Variants in CNTNAP2 observed in about 807,000 individuals in gnomAD.
CNTNAP2 encodes contactin associated protein 2.
In CNTNAP2, 98 loss-of-function variants were observed where a neutral mutation model predicts 155.2. That is an observed-to-expected ratio of 0.63 (90% CI 0.54 to 0.75). CNTNAP2 has a LOEUF of 0.75. Among genes scored for constraint, CNTNAP2 ranks in the 30% least tolerant of loss-of-function variants. The pLI is 0.00. For synonymous variants in CNTNAP2, 651 were observed against 631.2 expected, an observed-to-expected ratio of 1.03 and a Z score of -0.47; for missense variants, 1,727 against 1,688.1, an observed-to-expected ratio of 1.02 and a Z score of -0.40.
chr7:146,895,531 A>G (rs1395180026), intron 3 of CNTNAP2, among the ~76,000 whole-genome samples: 1 of 152,110 alleles, frequency 6.6e-6, no homozygotes, highest in Non-Finnish European at 1.5e-5. Context: ...TTGTAAAAAC[A>G]TAACATTGAA....
chr7:147,211,128 CTGTA>C (rs1423916664), intron 8 of CNTNAP2, among the ~76,000 whole-genome samples: 1 of 151,218 alleles, frequency 6.6e-6, no homozygotes, highest in Non-Finnish European at 1.5e-5. Context: ...GTGATGTATT[CTGTA>C]TGTGTCTACT....
At chr7:147,220,751 C>T (rs1188853415) in intron 8 of CNTNAP2, among the ~76,000 whole-genome samples, 3 of 151,916 alleles carry the variant, frequency 2.0e-5, no homozygotes, top group Non-Finnish European at 2.9e-5. Flanking sequence ...GTCTCACTCT[C>T]TTGCCCAGGC....
chr7:146,742,614 C>G (rs953730020), intron 1 of CNTNAP2, among the ~76,000 whole-genome samples: 5 of 151,872 alleles, frequency 3.3e-5, no homozygotes, highest in African/African-American at 9.7e-5. Flanking sequence ...AATCAGAAGG[C>G]TGTACAATAG....
intron 3 of CNTNAP2, among the ~76,000 whole-genome samples, chr7:146,999,935 C>A (rs972728851): frequency 9.2e-5 from 14 of 151,898 alleles, no homozygotes; most frequent in African/African-American, 3.1e-4. Context: ...GGAAAGTTTT[C>A]TCCTTCAATT....
intron 15 of CNTNAP2, among the ~76,000 whole-genome samples, chr7:148,029,974 T>C (rs1453127836): frequency 6.6e-6 from 1 of 152,220 alleles, no homozygotes; most frequent in Non-Finnish European, 1.5e-5. Context: ...CTAGAATCAA[T>C]GTCTTCTTAA....
chr7:146,667,010 C>T (rs1800206873), intron 1 of CNTNAP2, among the ~76,000 whole-genome samples: 1 of 151,918 alleles, frequency 6.6e-6, no homozygotes, highest in African/African-American at 2.4e-5. Flanking sequence ...TTTATTTTTG[C>T]TTTTGTTGTT....
At chr7:146,966,653 A>G (rs943078264) in intron 3 of CNTNAP2, among the ~76,000 whole-genome samples, 4 of 152,222 alleles carry the variant, frequency 2.6e-5, no homozygotes, top group African/African-American at 9.6e-5. Context: ...GCAAGTATAT[A>G]TGGAGGATGG....
At chr7:147,530,431 G>A (rs1799411653) in intron 11 of CNTNAP2, among the ~76,000 whole-genome samples, 1 of 152,064 alleles carries the variant, frequency 6.6e-6, no homozygotes, top group Non-Finnish European at 1.5e-5. Context: ...GCCTGCCTCA[G>A]GCTCCCAAAG....
chr7:147,341,052 T>C (rs1795752317), intron 9 of CNTNAP2, among the ~76,000 whole-genome samples: 1 of 135,364 alleles, frequency 7.4e-6, no homozygotes, highest in African/African-American at 2.7e-5. Context: ...CATGCCTGCC[T>C]CTTCCAGCAT....
chr7:148,338,701 C>A (rs1798167733), intron 21 of CNTNAP2, among the ~76,000 whole-genome samples: 1 of 152,164 alleles, frequency 6.6e-6, no homozygotes, highest in Admixed American at 6.5e-5. Flanking sequence ...CTTTGAGAAG[C>A]AACATAAAGA....
intron 3 of CNTNAP2, among the ~76,000 whole-genome samples, chr7:146,977,098 AG>A (rs1344915942): frequency 1.3e-4 from 20 of 152,362 alleles, no homozygotes; most frequent in African/African-American, 4.6e-4. Flanking sequence ...CAAAGGCCAC[AG>A]GAGTTAGAGC....
intron 1 of CNTNAP2, among the ~76,000 whole-genome samples, chr7:146,226,609 A>G (rs1799296967): frequency 6.6e-6 from 1 of 152,148 alleles, no homozygotes; most frequent in African/African-American, 2.4e-5. Context: ...GCAGTGAGTC[A>G]AGATCATGTC....
At chr7:147,516,835 ATTTC>A (rs1163958639) in intron 11 of CNTNAP2, among the ~76,000 whole-genome samples, 2 of 144,168 alleles carry the variant, frequency 1.4e-5, no homozygotes, top group East Asian at 4.0e-4. Context: ...AATGTAATTA[ATTTC>A]TTTCTTTTCT....
intron 3 of CNTNAP2, among the ~76,000 whole-genome samples, chr7:146,991,477 G>A (rs1798206308): frequency 6.6e-6 from 1 of 152,136 alleles, no homozygotes; most frequent in African/African-American, 2.4e-5. Flanking sequence ...GAATATTACT[G>A]CCACAGTGGG....
intron 14 of CNTNAP2, among the ~76,000 whole-genome samples, chr7:147,947,923 C>T (rs1322265360): frequency 6.6e-6 from 1 of 151,808 alleles, no homozygotes; most frequent in African/African-American, 2.4e-5. Flanking sequence ...CTTCATAATC[C>T]CTGTAGATAA....
intron 6 of CNTNAP2, among the ~76,000 whole-genome samples, chr7:147,124,756 C>T (rs1225072430): frequency 6.6e-6 from 1 of 151,922 alleles, no homozygotes; most frequent in African/African-American, 2.4e-5. Flanking sequence ...TTCAGCACAG[C>T]ACTGCTAGCG....
At chr7:147,887,717 C>T (rs1228979010) in intron 13 of CNTNAP2, among the ~76,000 whole-genome samples, 1 of 152,062 alleles carries the variant, frequency 6.6e-6, no homozygotes, top group Admixed American at 6.6e-5. Context: ...TCAAATATCC[C>T]TGTATGGAAA....
chr7:147,281,665 A>G lies in CNTNAP2; in HGVS notation c.1349-18476A>G, dbSNP rs564932727. On this transcript the variant is annotated intron_variant, in intron 8 of 23. Transcript: ENST00000361727. ...TTCACATTTATTGGATATATTTAAG[A>G]GAAATATATTCATGAATATATTCAT... Among the ~76,000 whole-genome samples the G allele has an allele frequency of 2.6e-5, 4 of 151,978 alleles. No homozygotes were observed. The East Asian group carries it at 5.8e-4, about 22-fold the overall frequency.
chr7:147,427,350 C>T (rs1396265126), intron 10 of CNTNAP2, among the ~76,000 whole-genome samples: 1 of 152,044 alleles, frequency 6.6e-6, no homozygotes, highest in Non-Finnish European at 1.5e-5. Flanking sequence ...ATCAGTCTTA[C>T]CTGGAAGTAT....
Sources: gnomAD v4.1 joint callset for allele counts (sites outside exome capture counted in the v4.1 genomes callset) on GRCh38, gnomAD v4.1.1 for gene constraint, MANE v1.5 for transcripts, NCBI Gene and HGNC (gene_info 2026-07-23, HGNC 2026-07-21) for gene names.